Variants in RGSL1 observed in about 807,000 individuals in gnomAD.
The protein encoded by RGSL1 is regulator of G protein signaling protein-like.
Under a neutral mutation model 124.7 loss-of-function variants are expected in RGSL1, and 97 were observed. The observed-to-expected ratio is 0.78, with a 90% CI of 0.66 to 0.92. RGSL1 has a LOEUF of 0.92. RGSL1 is among the 40% of genes least tolerant of loss of function. The pLI is 0.00. For missense variants in RGSL1, 1,233 were observed against 1,288.4 expected, an observed-to-expected ratio of 0.96 and a Z score of 0.66; for synonymous variants, 424 against 438.1, an observed-to-expected ratio of 0.97 and a Z score of 0.40.
chr1:182,540,448 G>C, intron 15 of RGSL1, 27 bp downstream of exon 15: 1 of 1,541,050 alleles, frequency 6.5e-7, no homozygotes, highest in Non-Finnish European at 8.8e-7. Context: ...TCCTTCTTCT[G>C]CCCTGAAAAT....
chr1:182,458,883 A>G (rs1212203377), intron 3 of RGSL1, among the ~76,000 whole-genome samples: 1 of 152,220 alleles, frequency 6.6e-6, no homozygotes, highest in Admixed American at 6.5e-5. Context: ...GCATCAATCC[A>G]GGTCTACATT....
intron 4 of RGSL1, among the ~76,000 whole-genome samples, chr1:182,467,298 C>T (rs1653423065): frequency 6.6e-6 from 1 of 152,132 alleles, no homozygotes; most frequent in African/African-American, 2.4e-5. Flanking sequence ...AAAAAAGAGC[C>T]CTCATCGCCA....
intron 4 of RGSL1, among the ~76,000 whole-genome samples, chr1:182,468,459 C>T (rs555635030): frequency 5.7e-4 from 87 of 152,290 alleles, no homozygotes; most frequent in African/African-American, 1.8e-3. Flanking sequence ...GAGTTCATGT[C>T]CTTTGTAGGG....
chr1:182,502,860 G>A (rs1049485180), intron 9 of RGSL1, among the ~76,000 whole-genome samples: 1 of 152,148 alleles, frequency 6.6e-6, no homozygotes, highest in East Asian at 1.9e-4. Context: ...GTTTTGGCAT[G>A]TAATGTTTTT....
chr1:182,529,306 A>T (rs1467798751), intron 11 of RGSL1, among the ~76,000 whole-genome samples: 1 of 152,220 alleles, frequency 6.6e-6, no homozygotes, highest in African/African-American at 2.4e-5. Flanking sequence ...TAGAACTTGA[A>T]TTCAAATTCA....
intron 6 of RGSL1, among the ~76,000 whole-genome samples, chr1:182,487,623 T>C (rs1655188602): frequency 6.6e-6 from 1 of 152,244 alleles, no homozygotes; most frequent in African/African-American, 2.4e-5. Flanking sequence ...GAAGCTTTGT[T>C]AATACCTCTG....
At chr1:182,512,006 A>G (rs913074883) in intron 9 of RGSL1, among the ~76,000 whole-genome samples, 3 of 152,088 alleles carry the variant, frequency 2.0e-5, no homozygotes, top group African/African-American at 4.8e-5. Flanking sequence ...GCTATTATAA[A>G]TGGGATTCCT....
At position 182,548,788 on chromosome 1, in the gene RGSL1, T is replaced by A. The variant is rs1169921389; in HGVS notation, c.2897T>A (p.Met966Lys). Residue 966 changes from methionine (M) to lysine (K), a missense_variant, in exon 17 of 22, where the codon ATG (methionine) becomes AAG (lysine). Transcript: ENST00000294854. ...LDRSVFHGAI[M>K]SVFPVVMYFW... ...CGGAGCGTCTTCCATGGGGCTATCA[T>A]GTCTGTCTTCCCCGTTGTTATGTAC... The A allele has an allele frequency of 1.9e-6, 3 of 1,551,688 alleles. No individual in the cohort carries two copies. The highest frequency in any genetic ancestry group is 1.7e-4 in the Middle Eastern group (1 of 5,992).
At chr1:182,558,798 G>C (rs1661007522) in intron 21 of RGSL1, among the ~76,000 whole-genome samples, 1 of 151,364 alleles carries the variant, frequency 6.6e-6, no homozygotes. Context: ...CCCTTTTAAG[G>C]GCCCACCCAG....
intron 8 of RGSL1, among the ~76,000 whole-genome samples, chr1:182,490,050 GAAA>G (rs200489791): frequency 1.3e-5 from 2 of 151,862 alleles, no homozygotes; most frequent in Non-Finnish European, 2.9e-5. Context: ...ACATATATAT[GAAA>G]AAAAATTTCC....
At chr1:182,494,049 C>A (rs1655725823) in intron 9 of RGSL1, among the ~76,000 whole-genome samples, 1 of 152,168 alleles carries the variant, frequency 6.6e-6, no homozygotes, top group Admixed American at 6.5e-5. Flanking sequence ...TCATGCTCAG[C>A]TAGCACCTCT....
At position 182,556,230 on chromosome 1, in the gene RGSL1, T is replaced by C. The variant is rs535547530; in HGVS notation, c.*165+8T>C. On this transcript the variant is annotated splice_region_variant and intron_variant, in intron 21 of 21. Coordinates refer to ENST00000294854, the MANE Select transcript of RGSL1 (RefSeq NM_001137669.2). ...AGGACCAGACTGCAATGGGTAAGACTTGGGCAGAGCATGAGAGGAAGCGCA... is the reference window on the plus strand; with the variant it reads ...AGGACCAGACTGCAATGGGTAAGACCTGGGCAGAGCATGAGAGGAAGCGCA... 1 of 631,584 alleles carries C rather than the reference T, an allele frequency of 1.6e-6. No individual in the cohort carries two copies. The highest frequency in any genetic ancestry group is 2.8e-5 in the East Asian group (1 of 35,690). 39.1% of individuals were successfully genotyped at this position (631,584 alleles called of 1,614,324 possible). A position where few individuals can be genotyped will look rare whatever the true frequency, so the allele number is the denominator to read the frequency against.
At chr1:182,510,292 G>A (rs1330635069) in intron 9 of RGSL1, among the ~76,000 whole-genome samples, 1 of 37,914 alleles carries the variant, frequency 2.6e-5, no homozygotes, top group Non-Finnish European at 6.0e-5. Flanking sequence ...CCGGGCAGAG[G>A]CTGCAATCTC....
At chr1:182,554,019 T>C (rs1345457933) in intron 19 of RGSL1, among the ~76,000 whole-genome samples, 1 of 152,194 alleles carries the variant, frequency 6.6e-6, no homozygotes, top group Non-Finnish European at 1.5e-5. Flanking sequence ...TAACCTCGCA[T>C]ACTGAGGCCA....
At chr1:182,535,838 G>T (rs1659501737) in intron 14 of RGSL1, among the ~76,000 whole-genome samples, 1 of 151,850 alleles carries the variant, frequency 6.6e-6, no homozygotes, top group Non-Finnish European at 1.5e-5. Context: ...AATTTTAATT[G>T]TGCAATTTGA....
chr1:182,459,141 T>C (rs912921185), intron 3 of RGSL1, among the ~76,000 whole-genome samples: 1 of 152,226 alleles, frequency 6.6e-6, no homozygotes, highest in Non-Finnish European at 1.5e-5. Context: ...TTATTGTCAG[T>C]ATGCATTATC....
chr1:182,508,913 ATC>A (rs1345878597), intron 9 of RGSL1, among the ~76,000 whole-genome samples: 16 of 76,930 alleles, frequency 2.1e-4, no homozygotes, highest in Non-Finnish European at 3.9e-4. Flanking sequence ...GCCTTCAAGC[ATC>A]TGTTTAACAA....
intron 6 of RGSL1, among the ~76,000 whole-genome samples, chr1:182,482,381 C>T (rs894862361): frequency 6.6e-6 from 1 of 151,156 alleles, no homozygotes; most frequent in African/African-American, 2.4e-5. Context: ...AAGTCCTAGC[C>T]AGAGAAAGTA....
intron 6 of RGSL1, 32 bp downstream of exon 6, chr1:182,474,574 C>A: frequency 6.6e-7 from 1 of 1,505,606 alleles, no homozygotes; most frequent in South Asian, 1.3e-5. Flanking sequence ...TAAGTTATAT[C>A]TGGCAAATTA....
Sources: gnomAD v4.1 joint callset for allele counts (sites outside exome capture counted in the v4.1 genomes callset) on GRCh38, gnomAD v4.1.1 for gene constraint, MANE v1.5 for transcripts, NCBI Gene and HGNC (gene_info 2026-07-23, HGNC 2026-07-21) for gene names.